Variants in SLC35D4 observed in about 807,000 individuals in gnomAD.
SLC35D4 encodes the protein solute carrier family 35 member D4, also known as UDP-N-acetylglucosamine transporter SLC35D4.
At chr18:23,363,364 A>ATTTTTTTTTTT in the SLC35D4 span, among the ~76,000 whole-genome samples, 6 of 90,460 alleles carry the variant, frequency 6.6e-5, 1 homozygote, top group South Asian at 3.6e-4. Context: ...ACAAAAGCAC[A>ATTTTTTTTTTT]TTTTTTTTTT....
the SLC35D4 span, among the ~76,000 whole-genome samples, chr18:23,247,675 G>A: frequency 2.6e-5 from 4 of 152,352 alleles, no homozygotes; most frequent in East Asian, 5.8e-4. Context: ...TGTCAGAGCT[G>A]GAGTTTGAAT....
chr18:23,302,144 C>T, the SLC35D4 span, among the ~76,000 whole-genome samples: 5 of 152,334 alleles, frequency 3.3e-5, no homozygotes, highest in South Asian at 4.1e-4. Context: ...GGAGAGATGG[C>T]GCCAGCCACC....
At chr18:23,382,239 C>CA in the SLC35D4 span, among the ~76,000 whole-genome samples, 28,118 of 75,138 alleles carry the variant, frequency 0.37, 4,292 homozygotes, top group East Asian at 0.46. Flanking sequence ...GACTCAGTCT[C>CA]AAAAAAAAAA....
chr18:23,407,051 T>G, the SLC35D4 span, among the ~76,000 whole-genome samples: 4 of 152,104 alleles, frequency 2.6e-5, no homozygotes, highest in Non-Finnish European at 5.9e-5. Context: ...CTCAAACAAC[T>G]CTCCCACCTC....
chr18:23,424,156 G>A, the SLC35D4 span, among the ~76,000 whole-genome samples: 1 of 152,180 alleles, frequency 6.6e-6, no homozygotes, highest in East Asian at 1.9e-4. Context: ...GAAGAAAGTG[G>A]ACAGATGCTG....
the SLC35D4 span, among the ~76,000 whole-genome samples, chr18:23,276,576 G>A: frequency 2.0e-5 from 3 of 152,200 alleles, no homozygotes; most frequent in South Asian, 6.2e-4. Flanking sequence ...GTGTTGTGGT[G>A]CTGGTATTTC....
the SLC35D4 span, among the ~76,000 whole-genome samples, chr18:23,310,053 C>T: frequency 6.6e-6 from 1 of 152,228 alleles, no homozygotes; most frequent in Admixed American, 6.5e-5. Flanking sequence ...GCCCTCATCT[C>T]TCTCCAGGGA....
At chr18:23,385,461 CA>C in the SLC35D4 span, among the ~76,000 whole-genome samples, 55 of 152,240 alleles carry the variant, frequency 3.6e-4, no homozygotes, top group Admixed American at 3.5e-3. Flanking sequence ...ACTTGGACTA[CA>C]AAGTGAAGTG....
At chr18:23,260,097 CG>C in the SLC35D4 span, 2 of 152,326 alleles carry the variant, frequency 1.3e-5, no homozygotes, top group African/African-American at 4.8e-5. Context: ...CAGGAGGAAA[CG>C]GGCAGCAGGG....
At chr18:23,320,069 CAGCAAA>C in the SLC35D4 span, among the ~76,000 whole-genome samples, 116,527 of 151,424 alleles carry the variant, frequency 0.77, 45,279 homozygotes, top group Middle Eastern at 0.88. Context: ...AATTCTCAGC[CAGCAAA>C]AGCATCCCTT....
At chr18:23,437,386 C>T in the SLC35D4 span, among the ~76,000 whole-genome samples, 34 of 152,162 alleles carry the variant, frequency 2.2e-4, no homozygotes, top group East Asian at 5.8e-3. Flanking sequence ...TGGAACTTCA[C>T]GGGGGCTCTG....
At chr18:23,278,189 A>G in the SLC35D4 span, among the ~76,000 whole-genome samples, 1 of 152,204 alleles carries the variant, frequency 6.6e-6, no homozygotes, top group African/African-American at 2.4e-5. Flanking sequence ...GGCAGAATGT[A>G]GAGCCCCACA....
At chr18:23,354,519 C>CA in the SLC35D4 span, among the ~76,000 whole-genome samples, 44,531 of 103,936 alleles carry the variant, frequency 0.43, 8,416 homozygotes, top group East Asian at 0.56. Context: ...GATTCCGTCT[C>CA]AAAAAAAAAA....
chr18:23,333,891 G>A, the SLC35D4 span, among the ~76,000 whole-genome samples: 1 of 152,106 alleles, frequency 6.6e-6, no homozygotes, highest in Non-Finnish European at 1.5e-5. Flanking sequence ...ATTCCATTTG[G>A]ACTACAAATT....
chr18:23,304,561 AAG>A, the SLC35D4 span, among the ~76,000 whole-genome samples: 1 of 151,254 alleles, frequency 6.6e-6, no homozygotes, highest in African/African-American at 2.4e-5. Context: ...TATATATAGA[AAG>A]AGAGAGAGGG....
the SLC35D4 span, among the ~76,000 whole-genome samples, chr18:23,248,530 TTTTTTTTTAA>T: frequency 2.9e-5 from 4 of 138,164 alleles, no homozygotes; most frequent in Admixed American, 8.3e-5. Context: ...TTTTTTTTTT[TTTTTTTTTAA>T]AAAAAGGCTG....
chr18:23,402,399 AACGGAC>A, the SLC35D4 span, among the ~76,000 whole-genome samples: 5 of 152,196 alleles, frequency 3.3e-5, no homozygotes, highest in African/African-American at 1.2e-4. Flanking sequence ...ATATGCAAGA[AACGGAC>A]ACCAGTCAAC....
chr18:23,424,821 T>A, the SLC35D4 span, among the ~76,000 whole-genome samples: 1 of 152,164 alleles, frequency 6.6e-6, no homozygotes, highest in African/African-American at 2.4e-5. Flanking sequence ...GCCACTGTAC[T>A]CCAGCCTGGG....
At chr18:23,250,680 C>T in the SLC35D4 span, among the ~76,000 whole-genome samples, 3 of 152,178 alleles carry the variant, frequency 2.0e-5, no homozygotes, top group Non-Finnish European at 2.9e-5. Flanking sequence ...CTGGTCCTTG[C>T]AGGGCATGTG....
Sources: gnomAD v4.1 joint callset for allele counts (sites outside exome capture counted in the v4.1 genomes callset) on GRCh38, gnomAD v4.1.1 for gene constraint, MANE v1.5 for transcripts, NCBI Gene and HGNC (gene_info 2026-07-23, HGNC 2026-07-21) for gene names.